The following RBFOX3 variants were observed in gnomAD, a reference collection of about 807,000 sequenced individuals.
RBFOX3 encodes RNA binding fox-1 homolog 3.
Under a neutral mutation model 48.7 loss-of-function variants are expected in RBFOX3, and 17 were observed. That is an observed-to-expected ratio of 0.35 (90% CI 0.24 to 0.52). RBFOX3 has a LOEUF of 0.52. Among genes scored for constraint, RBFOX3 ranks in the 20% least tolerant of loss-of-function variants. The pLI is 0.94. For missense variants in RBFOX3, 382 were observed against 497.5 expected (o/e 0.77, Z 2.21); for synonymous variants, 212 against 209.5 (o/e 1.01, Z -0.10).
intron 1 of RBFOX3, among the ~76,000 whole-genome samples, chr17:79,573,390 C>A (rs2092747366): frequency 6.6e-6 from 1 of 152,212 alleles, no homozygotes; most frequent in Non-Finnish European, 1.5e-5. Flanking sequence ...TATGCAGTCC[C>A]CAGCCGTGCT....
intron 3 of RBFOX3, among the ~76,000 whole-genome samples, chr17:79,281,341 G>T (rs934626099): frequency 1.3e-5 from 2 of 151,636 alleles, no homozygotes; most frequent in African/African-American, 4.8e-5. Context: ...CCGCGGGCTT[G>T]TGGGTTAGTT....
In RBFOX3 at chr17:79,482,894, T is replaced by C. The variant is rs1343000101; in HGVS notation, c.-319-296A>G. ...CCCTCTCCCAGCCCGCTTGCAATGGTCCCCCAATCCCAGGGACTCTTCCAC... is the reference window on the plus strand; with the variant it reads ...CCCTCTCCCAGCCCGCTTGCAATGGCCCCCCAATCCCAGGGACTCTTCCAC... On this transcript the variant is annotated intron_variant, in intron 1 of 14. Coordinates refer to ENST00000693108, the MANE Select transcript of RBFOX3 (RefSeq NM_001350451.2). The surrounding 1 kb of genome is among the most constrained non-coding windows in gnomAD (Gnocchi z 4.1). Among the ~76,000 whole-genome samples the C allele has an allele frequency of 6.6e-6, 1 of 151,640 alleles. No homozygotes were observed. The highest frequency in any genetic ancestry group is 2.4e-5 in the African/African-American group (1 of 41,284).
chr17:79,442,665 T>A (rs1471480331), intron 2 of RBFOX3, among the ~76,000 whole-genome samples: 4 of 152,022 alleles, frequency 2.6e-5, no homozygotes, highest in Non-Finnish European at 5.9e-5. Flanking sequence ...TGCTCCAACC[T>A]CATTTCCCAG....
chr17:79,656,765 GGAAGGAAGGAAGGAAAGAAA>G, the RBFOX3 span, among the ~76,000 whole-genome samples: 1 of 63,078 alleles, frequency 1.6e-5, no homozygotes. Context: ...AAGGAAGGAA[GGAAGGAAGGAAGGAAAGAAA>G]GAAAGAAAGA....
chr17:79,225,449 C>T (rs2060206363), intron 4 of RBFOX3, among the ~76,000 whole-genome samples: 1 of 152,160 alleles, frequency 6.6e-6, no homozygotes, highest in Non-Finnish European at 1.5e-5. Context: ...CACCAACACA[C>T]CTGGCTAATT....
At chr17:79,106,924 A>G (rs1036637422) in intron 5 of RBFOX3, 136 bp from the exon 6 acceptor site, 87 of 1,196,552 alleles carry the variant, frequency 7.3e-5, no homozygotes, top group Non-Finnish European at 2.3e-5. Context: ...CTGGGCTGGG[A>G]TCCTTGGCAG....
the RBFOX3 span, among the ~76,000 whole-genome samples, chr17:79,617,520 G>A: frequency 2.0e-5 from 3 of 152,120 alleles, no homozygotes; most frequent in African/African-American, 7.2e-5. Flanking sequence ...ATCCTTTACT[G>A]CAGGTGGCCC....
At chr17:79,289,172 A>G (rs2072704518) in intron 3 of RBFOX3, among the ~76,000 whole-genome samples, 1 of 152,174 alleles carries the variant, frequency 6.6e-6, no homozygotes, top group Admixed American at 6.5e-5. Flanking sequence ...GGCCTCTCCA[A>G]TACGTTCCGC....
At chr17:79,321,897 G>A (rs1033471267) in intron 2 of RBFOX3, among the ~76,000 whole-genome samples, 20 of 152,038 alleles carry the variant, frequency 1.3e-4, no homozygotes, top group Non-Finnish European at 2.6e-4. Context: ...GTACAGATGG[G>A]GTTTCACCAT....
intron 2 of RBFOX3, among the ~76,000 whole-genome samples, chr17:79,455,961 G>C (rs1555744719): frequency 6.6e-6 from 1 of 152,056 alleles, no homozygotes; most frequent in African/African-American, 2.4e-5. Flanking sequence ...CACTGATGAG[G>C]CTCCACCCCA....
At position 79,103,934 on chromosome 17, in the gene RBFOX3, G is replaced by C; in HGVS notation, c.414+139C>G. 1 of 701,556 alleles carries C rather than the reference G, an allele frequency of 1.4e-6. No homozygotes were observed. Among genetic ancestry groups the C allele is most frequent in the Non-Finnish European group, 2.5e-6 (1 of 400,762 alleles). The allele number at this position is 701,556 out of a possible 1,614,324, so 43.5% of individuals were successfully genotyped here. ...GGGGGCGGGGCGGGTGGGGGCGGAA[G>C]AGCGGGGAATACAAGCACCCGTGTC... On this transcript the variant is annotated intron_variant, in intron 7 of 14. Coordinates refer to ENST00000693108, the MANE Select transcript of RBFOX3 (RefSeq NM_001350451.2). The surrounding 1 kb of genome is among the most constrained non-coding windows in gnomAD (Gnocchi z 6.1).
rs962465969 is a variant in RBFOX3 at position 79,484,574 on chromosome 17, G to A, written c.-319-1976C>T. Among the ~76,000 whole-genome samples, 95 of 143,550 alleles carry A rather than the reference G, an allele frequency of 6.6e-4. 1 individual carries two copies. The highest frequency in any genetic ancestry group is 2.4e-3 in the African/African-American group (92 of 38,780). The allele number at this position is 143,550 out of a possible 152,430, so 94.2% of individuals were successfully genotyped here. On this transcript the variant is annotated intron_variant, in intron 1 of 14. Coordinates refer to ENST00000693108, the MANE Select transcript of RBFOX3 (RefSeq NM_001350451.2). ...GGGGGCCTGGGTGCAGGGGGCCTGG[G>A]TGCAGGGGCCTGGGTGCAGGGGGCC...
intron 1 of RBFOX3, among the ~76,000 whole-genome samples, chr17:79,509,151 C>T (rs1053227030): frequency 4.6e-5 from 7 of 152,062 alleles, no homozygotes; most frequent in Admixed American, 1.3e-4. Context: ...AAATCAACCA[C>T]TGCCCCCATG....
intron 1 of RBFOX3, chr17:79,600,163 C>T (rs2093671579): frequency 6.6e-6 from 1 of 152,260 alleles, no homozygotes; most frequent in Admixed American, 6.5e-5. Context: ...GTCCAAGAGG[C>T]AAGCACCAGT....
chr17:79,270,413 C>G (rs1282225628), intron 3 of RBFOX3, among the ~76,000 whole-genome samples: 3 of 152,230 alleles, frequency 2.0e-5, no homozygotes, highest in Non-Finnish European at 4.4e-5. Flanking sequence ...CACTCCCCAG[C>G]TCAAGAGCGG....
chr17:79,563,890 C>G (rs890310356), intron 1 of RBFOX3, among the ~76,000 whole-genome samples: 1 of 152,184 alleles, frequency 6.6e-6, no homozygotes, highest in African/African-American at 2.4e-5. Context: ...TCCCATGAGT[C>G]ATAAAAGCAT....
chr17:79,561,489 C>A (rs920798057), intron 1 of RBFOX3, among the ~76,000 whole-genome samples: 5,977 of 152,150 alleles, frequency 0.039, 317 homozygotes, highest in East Asian at 0.19. Flanking sequence ...CTCAGGAGTC[C>A]CCAGAGACAC....
chr17:79,222,648 T>C (rs898679956), intron 4 of RBFOX3, among the ~76,000 whole-genome samples: 1 of 152,222 alleles, frequency 6.6e-6, no homozygotes, highest in Non-Finnish European at 1.5e-5. Flanking sequence ...CCACCAGAGA[T>C]GGCCTTGAGC....
the RBFOX3 span, among the ~76,000 whole-genome samples, chr17:79,620,517 G>A: frequency 5.1e-5 from 7 of 136,174 alleles, 1 homozygote; most frequent in African/African-American, 2.0e-4. Context: ...GCGCATACGT[G>A]CACATGCATA....
Sources: allele counts gnomAD v4.1 joint callset (sites outside exome capture counted in the v4.1 genomes callset), GRCh38; gene constraint gnomAD v4.1.1; non-coding constraint Gnocchi (gnomAD v3.1); transcripts MANE v1.5; gene names NCBI Gene and HGNC (gene_info 2026-07-23, HGNC 2026-07-21).